The following PCDHGA7 variants were observed in gnomAD, a reference collection of about 807,000 sequenced individuals.
PCDHGA7 encodes the protein protocadherin gamma subfamily A, 7.
In PCDHGA7, 44 loss-of-function variants were observed where a neutral mutation model predicts 58.3. The ratio of observed to expected loss-of-function variants is 0.75; its 90% CI spans 0.59 to 0.97. The LOEUF (loss-of-function observed/expected upper bound fraction) is 0.97. PCDHGA7 is among the 50% of genes least tolerant of loss of function. The pLI is 0.00. For synonymous variants in PCDHGA7, 516 were observed against 504.2 expected (o/e 1.02, Z -0.31); for missense variants, 1,266 against 1,188.7 (o/e 1.06, Z -0.96).
intron 1 of PCDHGA7, among the ~76,000 whole-genome samples, chr5:141,482,530 C>CAAAAAAAAAAAAA (rs3074545): frequency 3.9e-5 from 3 of 76,560 alleles, no homozygotes; most frequent in African/African-American, 9.6e-5. Context: ...GACAGACATG[C>CAAAAAAAAAAAAA]AAAAAAAAAA....
intron 1 of PCDHGA7, among the ~76,000 whole-genome samples, chr5:141,484,072 G>A (rs2099591675): frequency 6.6e-6 from 1 of 152,258 alleles, no homozygotes; most frequent in Admixed American, 6.5e-5. Flanking sequence ...TGAAAAGCTT[G>A]CTCTTTTGAA....
At chr5:141,403,119 C>T in intron 1 of PCDHGA7, 1 of 1,614,060 alleles carries the variant, frequency 6.2e-7, no homozygotes, top group Non-Finnish European at 8.5e-7. Flanking sequence ...GCTCTGGAGC[C>T]CCGGGAGCTG....
Position 141,490,070 on chromosome 5 carries a change from T to C in PCDHGA7, c.2425-4737T>C, listed in dbSNP as rs2099695766. ...CCAGACGAGGGCACCAACGGCCAAC[T>C]AGACTATTCTTTTGGAGACCACACA... On this transcript the variant is annotated intron_variant, in intron 1 of 3. Transcript: ENST00000518325. The surrounding 1 kb of genome is among the most constrained non-coding windows in gnomAD (Gnocchi z 5.4). The C allele has an allele frequency of 6.2e-7, 1 of 1,614,198 alleles. No individual in the cohort carries two copies.
At chr5:141,385,542 A>G in intron 1 of PCDHGA7, 1 of 1,327,542 alleles carries the variant, frequency 7.5e-7, no homozygotes. Context: ...GAATATGTGG[A>G]CTATCACATT....
intron 1 of PCDHGA7, among the ~76,000 whole-genome samples, chr5:141,492,745 C>G (rs2099743569): frequency 6.6e-6 from 1 of 152,262 alleles, no homozygotes; most frequent in Non-Finnish European, 1.5e-5. Flanking sequence ...GTGGCCGAGG[C>G]GCGGCAGGGC....
At chr5:141,501,287 T>C (rs1025193070) in intron 2 of PCDHGA7, among the ~76,000 whole-genome samples, 1 of 96,980 alleles carries the variant, frequency 1.0e-5, no homozygotes, top group African/African-American at 4.2e-5. Context: ...GGATATTCCC[T>C]TATACACACA....
chr5:141,387,669 TCTC>T lies in PCDHGA7; in HGVS notation c.2424+2350_2424+2352del, dbSNP rs61279892. 2,271 of 693,780 alleles carry T rather than the reference TCTC, an allele frequency of 3.3e-3. 45 individuals are homozygous for T. In the African/African-American group the frequency reaches 0.034, roughly 10 times the overall value. 43.0% of individuals were successfully genotyped at this position (693,780 alleles called of 1,614,324 possible). A position where few individuals can be genotyped will look rare whatever the true frequency, so the allele number is the denominator to read the frequency against. ...AAAGTGGAGAGCTTGGCGCTCCAGA[TCTC>T]CTCGCGCAGCCGCAGCGCGCTTTCC... On this transcript the variant is annotated intron_variant, in intron 1 of 3. Coordinates refer to ENST00000518325, the MANE Select transcript of PCDHGA7 (RefSeq NM_018920.4).
chr5:141,444,722 C>T (rs72790051), intron 1 of PCDHGA7, among the ~76,000 whole-genome samples: 3,290 of 152,024 alleles, frequency 0.022, 51 homozygotes, highest in South Asian at 0.038. Flanking sequence ...TGCTTGGTGC[C>T]TTTGTTGAAA....
chr5:141,465,043 T>C (rs1404714692), intron 1 of PCDHGA7, among the ~76,000 whole-genome samples: 2 of 152,030 alleles, frequency 1.3e-5, no homozygotes, highest in Non-Finnish European at 2.9e-5. Context: ...CAAATGACCC[T>C]ATATATTTTT....
In PCDHGA7 at chr5:141,477,074, A is replaced by G; in HGVS notation, c.2425-17733A>G. Reference sequence around the variant, plus strand: ...CTTCGAGGACACCAAACTCCATGAGATTTACATCCAGGCCAAAGACAAGGG... The same window carrying G: ...CTTCGAGGACACCAAACTCCATGAGGTTTACATCCAGGCCAAAGACAAGGG... On this transcript the variant is annotated intron_variant, in intron 1 of 3. Coordinates refer to ENST00000518325, the MANE Select transcript of PCDHGA7 (RefSeq NM_018920.4). This position sits in a 1 kb window ranked among gnomAD's most constrained non-coding sequence, Gnocchi z 4.9. 1 of 1,614,250 alleles carries G rather than the reference A, an allele frequency of 6.2e-7. No homozygotes were observed.
intron 1 of PCDHGA7, chr5:141,419,383 C>A (rs1354675466): frequency 6.2e-7 from 1 of 1,613,698 alleles, no homozygotes; most frequent in South Asian, 1.1e-5. Context: ...TGTCCGTGAG[C>A]GCGCAGAGCG....
At chr5:141,441,187 AT>A (rs1349788972) in intron 1 of PCDHGA7, 1 of 152,214 alleles carries the variant, frequency 6.6e-6, no homozygotes, top group Non-Finnish European at 1.5e-5. Context: ...TTCCACAATG[AT>A]TCCCAAAGAT....
rs144018757 is a variant in PCDHGA7, at chr5:141,443,001, A to G, written c.2425-51806A>G. On this transcript the variant is annotated intron_variant, in intron 1 of 3. Transcript: ENST00000518325. ...GTTAGCCTATAATTTCAGTAAATCTAAGAATATGACTAATGGAAGTTGCCA... is the reference window on the plus strand; with the variant it reads ...GTTAGCCTATAATTTCAGTAAATCTGAGAATATGACTAATGGAAGTTGCCA... Among the ~76,000 whole-genome samples the G allele has an allele frequency of 1.3e-3, 194 of 152,312 alleles. 1 individual carries two copies. The East Asian group carries it at 0.032, about 25-fold the overall frequency.
chr5:141,402,895 A>G, intron 1 of PCDHGA7: 1 of 1,505,744 alleles, frequency 6.6e-7, no homozygotes, highest in South Asian at 1.4e-5. Context: ...GGAAGAAAGA[A>G]CCTGATGAAG....
chr5:141,462,183 C>A (rs1439465872), intron 1 of PCDHGA7, among the ~76,000 whole-genome samples: 1 of 152,158 alleles, frequency 6.6e-6, no homozygotes. Flanking sequence ...TGGTCTTGAA[C>A]TCCTGACCTC....
At chr5:141,451,607 C>T (rs2154563647) in intron 1 of PCDHGA7, among the ~76,000 whole-genome samples, 1 of 152,288 alleles carries the variant, frequency 6.6e-6, no homozygotes, top group Non-Finnish European at 1.5e-5. Context: ...CAAGGCTAGG[C>T]ATGGTGGCTC....
chr5:141,422,873 T>C (rs1474438774), intron 1 of PCDHGA7: 1 of 1,614,158 alleles, frequency 6.2e-7, no homozygotes, highest in Admixed American at 1.7e-5. Flanking sequence ...AACGTGTCGC[T>C]GAGCCTGTTC....
chr5:141,433,168 T>A, intron 1 of PCDHGA7: 6 of 1,613,438 alleles, frequency 3.7e-6, no homozygotes, highest in Non-Finnish European at 3.4e-6. Context: ...CTAAAGACAG[T>A]CATGGGTTAA....
intron 1 of PCDHGA7, among the ~76,000 whole-genome samples, chr5:141,434,766 A>T (rs1383531828): frequency 1.3e-5 from 2 of 151,012 alleles, no homozygotes; most frequent in Non-Finnish European, 3.0e-5. Context: ...CCCACTTCAC[A>T]CTTCTAAAAA....
Sources: allele counts gnomAD v4.1 joint callset (sites outside exome capture counted in the v4.1 genomes callset), GRCh38; gene constraint gnomAD v4.1.1; non-coding constraint Gnocchi (gnomAD v3.1); transcripts MANE v1.5; gene names NCBI Gene and HGNC (gene_info 2026-07-23, HGNC 2026-07-21).